The following LRMDA variants were observed in gnomAD, a reference collection of about 807,000 sequenced individuals.
LRMDA encodes leucine-rich melanocyte differentiation-associated protein.
Under a neutral mutation model 29.8 loss-of-function variants are expected in LRMDA, and 18 were observed. The observed-to-expected ratio is 0.60, with a 90% CI of 0.42 to 0.90. The LOEUF is 0.90. Among genes scored for constraint, LRMDA ranks in the 40% least tolerant of loss-of-function variants. The pLI, the probability that LRMDA is intolerant of heterozygous loss-of-function variation, is 0.00. For synonymous variants in LRMDA, 125 were observed against 109.4 expected, an observed-to-expected ratio of 1.14 and a Z score of -0.89; for missense variants, 273 against 273.9, an observed-to-expected ratio of 1.00 and a Z score of 0.02.
At chr10:76,253,443 A>G (rs1229123086) in intron 5 of LRMDA, among the ~76,000 whole-genome samples, 1 of 151,962 alleles carries the variant, frequency 6.6e-6, no homozygotes, top group Non-Finnish European at 1.5e-5. Context: ...CTACCAGCTG[A>G]ATAACTGTTT....
At chr10:76,048,921 C>A (rs1848486067) in intron 4 of LRMDA, among the ~76,000 whole-genome samples, 1 of 151,910 alleles carries the variant, frequency 6.6e-6, no homozygotes, top group African/African-American at 2.4e-5. Context: ...AAGGGCTTGG[C>A]ACCTTTTTTT....
At chr10:75,532,344 C>A (rs1845486908) in intron 2 of LRMDA, among the ~76,000 whole-genome samples, 1 of 152,130 alleles carries the variant, frequency 6.6e-6, no homozygotes, top group Non-Finnish European at 1.5e-5. Flanking sequence ...GTGCCAAATT[C>A]TGGAATTTTT....
intron 2 of LRMDA, among the ~76,000 whole-genome samples, chr10:75,452,002 T>G (rs1844467606): frequency 6.6e-6 from 1 of 152,240 alleles, no homozygotes; most frequent in African/African-American, 2.4e-5. Context: ...TGCTCAATTC[T>G]GTGCCGTTGG....
At chr10:75,540,871 G>A (rs1339169493) in intron 2 of LRMDA, among the ~76,000 whole-genome samples, 1 of 152,018 alleles carries the variant, frequency 6.6e-6, no homozygotes, top group Non-Finnish European at 1.5e-5. Flanking sequence ...TGTGTTACCT[G>A]GCTACCTGTT....
chr10:75,814,899 C>T (rs1844031561), intron 2 of LRMDA, among the ~76,000 whole-genome samples: 1 of 152,174 alleles, frequency 6.6e-6, no homozygotes, highest in Non-Finnish European at 1.5e-5. Context: ...AAAATCGTTG[C>T]ACATTATTGA....
intron 2 of LRMDA, among the ~76,000 whole-genome samples, chr10:76,028,603 A>T (rs1340218788): frequency 6.6e-6 from 1 of 152,092 alleles, no homozygotes; most frequent in Non-Finnish European, 1.5e-5. Flanking sequence ...ACATCTCCTT[A>T]ACCAAGCCAC....
chr10:76,238,413 C>T (rs994961736), intron 5 of LRMDA, among the ~76,000 whole-genome samples: 1 of 152,120 alleles, frequency 6.6e-6, no homozygotes, highest in Non-Finnish European at 1.5e-5. Context: ...AGTCTGTTGC[C>T]TGTAATACTC....
At chr10:75,577,695 G>A (rs565432094) in intron 2 of LRMDA, among the ~76,000 whole-genome samples, 11 of 152,246 alleles carry the variant, frequency 7.2e-5, no homozygotes, top group Admixed American at 2.0e-4. Context: ...ATCTCTCAGC[G>A]GAAACTGTAC....
At chr10:75,521,697 C>T (rs577445302) in intron 2 of LRMDA, among the ~76,000 whole-genome samples, 20 of 152,312 alleles carry the variant, frequency 1.3e-4, no homozygotes, top group East Asian at 9.7e-4. Flanking sequence ...TGCTTTGGCT[C>T]GCCCTCCGTG....
At chr10:75,955,017 G>A (rs1388366147) in intron 2 of LRMDA, among the ~76,000 whole-genome samples, 2 of 152,188 alleles carry the variant, frequency 1.3e-5, no homozygotes, top group South Asian at 2.1e-4. Context: ...TGATTGGAAA[G>A]CATTGTGTGG....
At chr10:76,324,817 A>G (rs1166620455) in intron 6 of LRMDA, among the ~76,000 whole-genome samples, 1 of 152,198 alleles carries the variant, frequency 6.6e-6, no homozygotes. Context: ...AAACTCACTA[A>G]CATTTATAAA....
At position 76,557,295 on chromosome 10, in the gene LRMDA, CT is replaced by C; in HGVS notation, c.*9del. ...CCGAGATGACCAGCTCTGAAGCCAA[CT>C]TCTGTATACCTTCACCCATTTCATG... On this transcript the variant is annotated 3_prime_UTR_variant, in exon 7 of 7. Coordinates refer to ENST00000611255, the MANE Select transcript of LRMDA (RefSeq NM_001305581.2). The C allele has an allele frequency of 1.2e-6, 2 of 1,601,652 alleles. No homozygotes were observed. The highest frequency in any genetic ancestry group is 1.7e-6 in the Non-Finnish European group (2 of 1,168,598).
intron 2 of LRMDA, among the ~76,000 whole-genome samples, chr10:75,964,062 T>G (rs1846814691): frequency 6.6e-6 from 1 of 152,216 alleles, no homozygotes; most frequent in South Asian, 2.1e-4. Context: ...GGATTGGGTT[T>G]GTTTTTTTCA....
intron 5 of LRMDA, among the ~76,000 whole-genome samples, chr10:76,135,817 T>A (rs145845456): frequency 1.3e-5 from 2 of 151,806 alleles, no homozygotes; most frequent in Non-Finnish European, 2.9e-5. Flanking sequence ...TTTGGGCCCA[T>A]CCTAATGACC....
chr10:76,402,017 T>C (rs1291178684), intron 6 of LRMDA, among the ~76,000 whole-genome samples: 5 of 152,058 alleles, frequency 3.3e-5, no homozygotes, highest in Non-Finnish European at 7.4e-5. Flanking sequence ...ATAAGTACTA[T>C]GACTTTCTGA....
intron 2 of LRMDA, among the ~76,000 whole-genome samples, chr10:75,850,536 C>G (rs182138351): frequency 2.6e-5 from 4 of 152,280 alleles, no homozygotes; most frequent in Admixed American, 6.5e-5. Context: ...TTCTGTTGCT[C>G]ATATAACACC....
chr10:75,824,781 A>G (rs1844221015), intron 2 of LRMDA, among the ~76,000 whole-genome samples: 1 of 152,180 alleles, frequency 6.6e-6, no homozygotes, highest in Non-Finnish European at 1.5e-5. Flanking sequence ...GATTTGGAGC[A>G]TTTTACCACC....
At chr10:75,804,826 T>G (rs1423580812) in intron 2 of LRMDA, among the ~76,000 whole-genome samples, 1 of 152,190 alleles carries the variant, frequency 6.6e-6, no homozygotes, top group Non-Finnish European at 1.5e-5. Flanking sequence ...GAGGTTGAGA[T>G]TAAATGTTGG....
intron 5 of LRMDA, among the ~76,000 whole-genome samples, chr10:76,189,642 G>A (rs1851211080): frequency 6.6e-6 from 1 of 152,310 alleles, no homozygotes; most frequent in African/African-American, 2.4e-5. Flanking sequence ...CAGATGTCAT[G>A]TATTGCTGTA....
Sources: gnomAD v4.1 joint callset for allele counts (sites outside exome capture counted in the v4.1 genomes callset) on GRCh38, gnomAD v4.1.1 for gene constraint, MANE v1.5 for transcripts, NCBI Gene and HGNC (gene_info 2026-07-23, HGNC 2026-07-21) for gene names.